RUNX1: variants seen among roughly 807,000 people sequenced by gnomAD.
The protein encoded by RUNX1 is RUNX family transcription factor 1, also known as runt-related transcription factor 1.
A neutral mutation model predicts 42.8 loss-of-function variants in RUNX1; 19 were observed. The observed-to-expected ratio is 0.44, with a 90% confidence interval of 0.31 to 0.65. RUNX1 has a LOEUF of 0.65. RUNX1 is among the 30% of genes least tolerant of loss of function. RUNX1 has a pLI of 0.07. For synonymous variants in RUNX1, 271 were observed against 289.4 expected, an observed-to-expected ratio of 0.94 and a Z score of 0.64; for missense variants, 528 against 672.0, an observed-to-expected ratio of 0.79 and a Z score of 2.37.
intron 3 of RUNX1, among the ~76,000 whole-genome samples, chr21:34,891,707 T>TTAAA (rs761249134): frequency 1.4e-4 from 21 of 147,714 alleles, no homozygotes; most frequent in Non-Finnish European, 2.9e-4. Context: ...AATGCAAAAT[T>TTAAA]AAAAAAAAAA....
chr21:34,868,718 C>T (rs191700285), intron 5 of RUNX1, among the ~76,000 whole-genome samples: 34 of 152,346 alleles, frequency 2.2e-4, no homozygotes, highest in Middle Eastern at 3.4e-3. Flanking sequence ...GTTATCTACT[C>T]ACAACAGGGA....
At chr21:35,047,555 ACACACACTCTCTCTCTCT>A (rs1462537359) in intron 2 of RUNX1, among the ~76,000 whole-genome samples, 20 of 84,322 alleles carry the variant, frequency 2.4e-4, no homozygotes, top group African/African-American at 9.4e-4. Flanking sequence ...ACACACACAC[ACACACACTCTCTCTCTCT>A]CTCTCTCTCT....
At chr21:35,023,792 T>C (rs145902029) in intron 2 of RUNX1, among the ~76,000 whole-genome samples, 68 of 152,190 alleles carry the variant, frequency 4.5e-4, no homozygotes, top group Non-Finnish European at 8.7e-4. Flanking sequence ...GGTACACAAT[T>C]GAGGATGGGT....
intron 7 of RUNX1, among the ~76,000 whole-genome samples, chr21:34,828,805 G>A (rs1257259257): frequency 6.6e-6 from 1 of 152,194 alleles, no homozygotes; most frequent in African/African-American, 2.4e-5. Flanking sequence ...TATCTGCCAT[G>A]GGATGACTCT....
intron 5 of RUNX1, among the ~76,000 whole-genome samples, chr21:34,860,826 A>G (rs2057563822): frequency 6.6e-6 from 1 of 152,224 alleles, no homozygotes; most frequent in African/African-American, 2.4e-5. Flanking sequence ...AAAAATGCTC[A>G]ATGAAAATAT....
intron 2 of RUNX1, among the ~76,000 whole-genome samples, chr21:34,937,507 TATCA>T (rs1278041971): frequency 6.6e-6 from 1 of 152,082 alleles, no homozygotes; most frequent in Non-Finnish European, 1.5e-5. Context: ...ATTAAATAAC[TATCA>T]AGCATATTGC....
intron 3 of RUNX1, chr21:34,887,362 T>A: frequency 7.0e-7 from 1 of 1,427,020 alleles, no homozygotes; most frequent in Non-Finnish European, 9.1e-7. Flanking sequence ...AGCAACCGAT[T>A]GCTTAGTGCA....
chr21:34,823,772 G>A (rs1391899370), intron 7 of RUNX1, among the ~76,000 whole-genome samples: 3 of 152,048 alleles, frequency 2.0e-5, no homozygotes, highest in Non-Finnish European at 4.4e-5. Flanking sequence ...CAAGTTTCAT[G>A]CCACCCCATA....
At chr21:34,938,980 C>A (rs1051983317) in intron 2 of RUNX1, among the ~76,000 whole-genome samples, 2 of 152,126 alleles carry the variant, frequency 1.3e-5, no homozygotes, top group African/African-American at 4.8e-5. Context: ...TTTCTAGATT[C>A]GGCTCAAACA....
chr21:34,898,671 C>A (rs545497806), intron 2 of RUNX1, among the ~76,000 whole-genome samples: 9 of 152,196 alleles, frequency 5.9e-5, no homozygotes, highest in Non-Finnish European at 7.3e-5. Context: ...CACAAACGCA[C>A]CAGTGGATTG....
At position 34,880,678 on chromosome 21, in the gene RUNX1, C is replaced by A. The variant is rs1267446094; in HGVS notation, c.387G>T (p.Leu129=). The A allele has an allele frequency of 6.2e-7, 1 of 1,614,026 alleles. No homozygotes were observed. The highest frequency in any genetic ancestry group is 8.5e-7 in the Non-Finnish European group (1 of 1,180,018). Residue 129 remains leucine (L), a synonymous_variant, in exon 5 of 9, where the codon CTG becomes CTT. Coordinates refer to ENST00000675419, the MANE Select transcript of RUNX1 (RefSeq NM_001754.5). The part of the protein sequence containing the change: ...VALGDVPDGT[L]VTVMAGNDEN... ...CATCATTGCCAGCCATCACAGTGAC[C>A]AGAGTGCCATCTGGAACATCCCCTA...
rs1344410950 is a variant in RUNX1 at position 34,933,290 on chromosome 21, A to G, written c.59-40327T>C. ...GTACTGTGAGATGCGTCCTTGTTAC[A>G]TGCTACAAGTAGCCCCTCAGGTAGA... On this transcript the variant is annotated intron_variant, in intron 2 of 8. Coordinates refer to ENST00000675419, the MANE Select transcript of RUNX1 (RefSeq NM_001754.5). Among the ~76,000 whole-genome samples the G allele has an allele frequency of 3.3e-5, 5 of 152,210 alleles. No individual in the cohort carries two copies. The South Asian group carries it at 8.3e-4, about 25-fold the overall frequency.
At chr21:34,949,170 T>C (rs1248748779) in intron 2 of RUNX1, among the ~76,000 whole-genome samples, 1 of 152,230 alleles carries the variant, frequency 6.6e-6, no homozygotes, top group African/African-American at 2.4e-5. Context: ...ATGTGTGTGA[T>C]GTTTTAGTTA....
At position 34,880,548 on chromosome 21, in the gene RUNX1, A is replaced by C. The variant is rs549290119; in HGVS notation, c.508+9T>G. 6.2e-7 allele frequency: 1 copy of C among 1,614,016 alleles called. No individual in the cohort carries two copies. The highest frequency in any genetic ancestry group is 2.2e-5 in the East Asian group (1 of 44,886). ...CGTGTTTCAAGCATAGTTTTGACAG[A>C]TAACGTACCTCTTCCACTTCGACCG... On this transcript the variant is annotated intron_variant, in intron 5 of 8. Coordinates refer to ENST00000675419, the MANE Select transcript of RUNX1 (RefSeq NM_001754.5).
intron 2 of RUNX1, among the ~76,000 whole-genome samples, chr21:35,047,625 G>A (rs1231493789): frequency 1.5e-5 from 2 of 136,000 alleles, no homozygotes; most frequent in African/African-American, 2.7e-5. Context: ...TCAGGGACCC[G>A]GAAACATACA....
intron 5 of RUNX1, among the ~76,000 whole-genome samples, chr21:34,861,350 T>G (rs1252661286): frequency 6.6e-6 from 1 of 152,156 alleles, no homozygotes; most frequent in Non-Finnish European, 1.5e-5. Flanking sequence ...TGGGGGCAAC[T>G]GCCCATCTCA....
chr21:34,976,102 GA>G (rs1361984630), intron 2 of RUNX1, among the ~76,000 whole-genome samples: 2 of 127,190 alleles, frequency 1.6e-5, no homozygotes, highest in African/African-American at 6.0e-5. Context: ...GAGGGAGATT[GA>G]AAAAAATACA....
chr21:35,015,497 A>G (rs1336450483), intron 2 of RUNX1, among the ~76,000 whole-genome samples: 1 of 152,054 alleles, frequency 6.6e-6, no homozygotes, highest in Non-Finnish European at 1.5e-5. Flanking sequence ...GGTAAAAGAA[A>G]CTCGTCCTAC....
chr21:34,883,632 C>T (rs2057938500), intron 4 of RUNX1, among the ~76,000 whole-genome samples: 2 of 152,128 alleles, frequency 1.3e-5, no homozygotes, highest in Non-Finnish European at 2.9e-5. Flanking sequence ...CAAGAAGGGA[C>T]TTGCTGGCCA....
Sources: allele counts gnomAD v4.1 joint callset (sites outside exome capture counted in the v4.1 genomes callset), GRCh38; gene constraint gnomAD v4.1.1; transcripts MANE v1.5; gene names NCBI Gene and HGNC (gene_info 2026-07-23, HGNC 2026-07-21).